The following ERP44 variants were observed in gnomAD, a reference collection of about 807,000 sequenced individuals.
ERP44 encodes the protein endoplasmic reticulum protein 44.
Under a neutral mutation model 53.4 loss-of-function variants are expected in ERP44, and 25 were observed. The observed-to-expected ratio is 0.47, with a 90% CI of 0.34 to 0.65. The LOEUF (loss-of-function observed/expected upper bound fraction) is 0.65, where lower values mean the gene tolerates loss of function less well. ERP44 is among the 30% of genes least tolerant of loss of function. The pLI, the probability that ERP44 is intolerant of heterozygous loss-of-function variation, is 0.01. For synonymous variants in ERP44, 145 were observed against 161.2 expected (o/e 0.90, Z 0.76); for missense variants, 338 against 493.2 (o/e 0.69, Z 2.98).
intron 4 of ERP44, among the ~76,000 whole-genome samples, chr9:100,044,113 C>T (rs1825942176): frequency 6.6e-6 from 1 of 152,068 alleles, no homozygotes. Flanking sequence ...ATGAGTTAGA[C>T]TGGGTATAAA....
chr9:100,073,205 T>A (rs1312020872), intron 1 of ERP44, among the ~76,000 whole-genome samples: 1 of 152,170 alleles, frequency 6.6e-6, no homozygotes, highest in Non-Finnish European at 1.5e-5. Context: ...GCTTACATAA[T>A]TCAAATTAAG....
At chr9:100,095,475 A>G (rs926030555) in intron 1 of ERP44, among the ~76,000 whole-genome samples, 1 of 152,210 alleles carries the variant, frequency 6.6e-6, no homozygotes, top group African/African-American at 2.4e-5. Context: ...AACAATCAGG[A>G]AAACCCAAAC....
intron 8 of ERP44, among the ~76,000 whole-genome samples, chr9:100,010,137 CAATA>C (rs1173211953): frequency 1.3e-5 from 2 of 152,164 alleles, no homozygotes; most frequent in Admixed American, 1.3e-4. Flanking sequence ...CAACATATAT[CAATA>C]AATAAACAAA....
intron 3 of ERP44, among the ~76,000 whole-genome samples, chr9:100,055,980 G>C (rs1587976465): frequency 6.6e-6 from 1 of 152,162 alleles, no homozygotes. Context: ...CCATATAAAA[G>C]AGTATTAATT....
intron 10 of ERP44, among the ~76,000 whole-genome samples, chr9:100,004,911 C>G (rs957468954): frequency 6.6e-6 from 1 of 152,188 alleles, no homozygotes; most frequent in African/African-American, 2.4e-5. Flanking sequence ...ACTGAACAGT[C>G]TCCTAGATTT....
intron 10 of ERP44, among the ~76,000 whole-genome samples, chr9:99,988,740 A>C (rs1830221585): frequency 6.6e-6 from 1 of 152,204 alleles, no homozygotes; most frequent in African/African-American, 2.4e-5. Flanking sequence ...TGCCTCACCC[A>C]GGAAGCACAA....
chr9:99,985,341 A>G (rs1235230611), intron 10 of ERP44, among the ~76,000 whole-genome samples: 2 of 152,230 alleles, frequency 1.3e-5, no homozygotes, highest in Admixed American at 6.5e-5. Flanking sequence ...GCTGTACCCC[A>G]AATTAACCAT....
intron 5 of ERP44, among the ~76,000 whole-genome samples, chr9:100,021,248 C>A (rs1054935808): frequency 3.9e-5 from 6 of 152,206 alleles, no homozygotes; most frequent in Non-Finnish European, 5.9e-5. Context: ...AGGGTTACTG[C>A]TTGCTCTGAA....
At chr9:99,987,779 TC>T (rs1335151733) in intron 10 of ERP44, among the ~76,000 whole-genome samples, 4 of 151,840 alleles carry the variant, frequency 2.6e-5, no homozygotes, top group African/African-American at 9.7e-5. Context: ...CTTTTTTTTT[TC>T]ACTTGGCATT....
At chr9:100,061,809 A>ATCCC (rs1219972036) in intron 1 of ERP44, among the ~76,000 whole-genome samples, 3 of 152,094 alleles carry the variant, frequency 2.0e-5, no homozygotes, top group African/African-American at 4.8e-5. Context: ...TAATTTCATT[A>ATCCC]TTTTCAGTGC....
intron 10 of ERP44, 93 bp downstream of exon 10, chr9:100,006,413 A>G (rs1830425924): frequency 2.1e-6 from 2 of 961,720 alleles, no homozygotes; most frequent in Middle Eastern, 3.2e-4. Flanking sequence ...TTACTGTTCC[A>G]ACATAGGATT....
intron 1 of ERP44, among the ~76,000 whole-genome samples, chr9:100,086,453 G>A (rs1184965001): frequency 2.0e-5 from 3 of 152,184 alleles, no homozygotes; most frequent in African/African-American, 7.2e-5. Context: ...AGGATGGTCA[G>A]CACAAGCACT....
chr9:100,085,308 T>G (rs2118753708), intron 1 of ERP44, among the ~76,000 whole-genome samples: 1 of 152,326 alleles, frequency 6.6e-6, no homozygotes, highest in South Asian at 2.1e-4. Context: ...CTTTTCTTTA[T>G]CTCAAATTAA....
intron 4 of ERP44, among the ~76,000 whole-genome samples, chr9:100,039,414 T>C (rs1404464564): frequency 6.6e-6 from 1 of 152,130 alleles, no homozygotes; most frequent in East Asian, 1.9e-4. Context: ...ACATGGAAAT[T>C]AATATGCTCC....
chr9:100,067,085 G>C (rs2118726845), intron 1 of ERP44, among the ~76,000 whole-genome samples: 2 of 152,270 alleles, frequency 1.3e-5, no homozygotes, highest in South Asian at 4.1e-4. Flanking sequence ...AGAAACACTA[G>C]AAGAATTATA....
In ERP44 at chr9:99,982,593, C is replaced by CA; in HGVS notation, c.*18dup. ...GTTGATGCTGCTGTTGAAAGGCTTA[C>CA]AAACTGTTTTTCAAGTTTTTAAAGC... On this transcript the variant is annotated 3_prime_UTR_variant, in exon 12 of 12. Coordinates refer to ENST00000262455, the MANE Select transcript of ERP44 (RefSeq NM_015051.3). 3 of 1,371,856 alleles carry CA rather than the reference C, an allele frequency of 2.2e-6. No individual in the cohort carries two copies. The highest frequency in any genetic ancestry group is 3.0e-6 in the Non-Finnish European group (3 of 1,008,846). The allele number at this position is 1,371,856 out of a possible 1,614,324, so 85.0% of individuals were successfully genotyped here. A position where few individuals can be genotyped will look rare whatever the true frequency, so the allele number is the denominator to read the frequency against.
chr9:100,065,538 A>T (rs994427354), intron 1 of ERP44, among the ~76,000 whole-genome samples: 2 of 152,218 alleles, frequency 1.3e-5, no homozygotes, highest in African/African-American at 4.8e-5. Context: ...GCTTCATGTA[A>T]TCATTTAACA....
At chr9:100,017,383 AG>A (rs1013454023) in intron 7 of ERP44, among the ~76,000 whole-genome samples, 7 of 152,246 alleles carry the variant, frequency 4.6e-5, no homozygotes, top group African/African-American at 1.7e-4. Context: ...ATTCAAACCC[AG>A]TCTGATACCA....
chr9:100,023,602 A>T, intron 4 of ERP44, among the ~76,000 whole-genome samples: 1 of 151,446 alleles, frequency 6.6e-6, no homozygotes, highest in East Asian at 1.9e-4. Flanking sequence ...CTAATCTTAA[A>T]TTTTTTTAAT....
Sources: allele counts gnomAD v4.1 joint callset (sites outside exome capture counted in the v4.1 genomes callset), GRCh38; gene constraint gnomAD v4.1.1; transcripts MANE v1.5; gene names NCBI Gene and HGNC (gene_info 2026-07-23, HGNC 2026-07-21).